NFKBIZ: variants seen among roughly 807,000 people sequenced by gnomAD.
NFKBIZ encodes NF-kappa-B inhibitor zeta.
In NFKBIZ, 19 loss-of-function variants were observed where a neutral mutation model predicts 76.8. The ratio of observed to expected loss-of-function variants is 0.25; its 90% CI spans 0.17 to 0.36. The LOEUF is 0.36. NFKBIZ is among the 10% of genes least tolerant of loss of function. The probability of loss-of-function intolerance (pLI) is 1.00; values close to 1 mark genes in which losing one functional copy is unlikely to be tolerated. For synonymous variants in NFKBIZ, 368 were observed against 354.8 expected, an observed-to-expected ratio of 1.04 and a Z score of -0.42; for missense variants, 829 against 910.9, an observed-to-expected ratio of 0.91 and a Z score of 1.16.
In NFKBIZ at chr3:101,859,404, C is replaced by G; in HGVS notation, c.*33C>G. The G allele has an allele frequency of 6.3e-7, 1 of 1,588,586 alleles. No individual in the cohort carries two copies. The highest frequency in any genetic ancestry group is 8.6e-7 in the Non-Finnish European group (1 of 1,156,832). ...AGCTTGGAGCCTGGCTAGCAACACTCACTGTCAGTTAGGCAGTCCTGATGT... is the reference window on the plus strand; with the variant it reads ...AGCTTGGAGCCTGGCTAGCAACACTGACTGTCAGTTAGGCAGTCCTGATGT... On this transcript the variant is annotated 3_prime_UTR_variant, in exon 12 of 12. Coordinates refer to ENST00000326172, the MANE Select transcript of NFKBIZ (RefSeq NM_031419.4).
intron 2 of NFKBIZ, among the ~76,000 whole-genome samples, chr3:101,840,185 G>C (rs1001286636): frequency 2.6e-5 from 4 of 152,162 alleles, no homozygotes; most frequent in Admixed American, 2.6e-4. Context: ...AACTTTTGGA[G>C]TTGTCAACAA....
In NFKBIZ at chr3:101,854,645, G is replaced by A. The variant is rs773112084; in HGVS notation, c.1405G>A (p.Ala469Thr). The A allele has an allele frequency of 8.7e-6, 14 of 1,613,922 alleles. No homozygotes were observed. Among genetic ancestry groups the A allele is most frequent in the Middle Eastern group, 1.6e-4 (1 of 6,062 alleles). The change falls in exon 6 of 12, where the codon GCA (alanine) becomes ACA (threonine). Residue 469 changes from alanine to threonine, a missense_variant. Physicochemically the swap from Ala to Thr is moderately conservative, Grantham distance 58. Around this residue, in one of 4 missense-constraint regions of NFKBIZ, gnomAD observed 272 missense variants for 384.2 expected, o/e 0.71. Coordinates refer to ENST00000326172, the MANE Select transcript of NFKBIZ (RefSeq NM_031419.4). ...CTATGTTCTTGCAAGAAAGATGAAT[G>A]CACTTCACATGCTGGATATTAAAGA... ...LSYVLARKMN[A>T]LHMLDIKEHN...
intron 10 of NFKBIZ, 37 bp downstream of exon 10, chr3:101,857,220 T>C: frequency 1.8e-6 from 1 of 562,070 alleles, no homozygotes; most frequent in Non-Finnish European, 2.7e-6. Context: ...GTACACCCTC[T>C]CAAAGTTTTT....
chr3:101,859,032 G>T (rs570099757), intron 11 of NFKBIZ, among the ~76,000 whole-genome samples: 2 of 152,148 alleles, frequency 1.3e-5, no homozygotes, highest in Non-Finnish European at 2.9e-5. Flanking sequence ...AAGAATATAG[G>T]TGTTAAGTTT....
At chr3:101,835,101 CTCA>C (rs1206691122) in intron 2 of NFKBIZ, among the ~76,000 whole-genome samples, 34 of 152,218 alleles carry the variant, frequency 2.2e-4, no homozygotes. Flanking sequence ...TGCTAGGCAT[CTCA>C]TGACACTACC....
chr3:101,848,311 G>A (rs1444862000), upstream of NFKBIZ, among the ~76,000 whole-genome samples: 1 of 152,176 alleles, frequency 6.6e-6, no homozygotes, highest in African/African-American at 2.4e-5. Flanking sequence ...AATCGTAAAA[G>A]GGGACTATAC....
Position 101,849,675 on chromosome 3 carries a change from T to C in NFKBIZ, c.47T>C (p.Leu16Pro). ...GACGACAGCCGCGGCGGAGAGGGGC[T>C]GCGGGACGCGGCGGGCGGCTGCGGC... is the stretch of plus-strand genomic sequence containing the variant. The part of the protein sequence containing the change: ...LLDDSRGGEG[L>P]RDAAGGCGLM... The change falls in exon 1 of 12, where the codon CTG (leucine) becomes CCG (proline). Residue 16 changes from leucine to proline, a missense_variant. By Grantham distance (98) the Leu-to-Pro change is moderately conservative. This residue lies in a region of NFKBIZ where 181 missense variants were observed against 175.3 expected (regional missense o/e 1.03). Coordinates refer to ENST00000326172, the MANE Select transcript of NFKBIZ (RefSeq NM_031419.4). The C allele has an allele frequency of 7.1e-7, 1 of 1,405,836 alleles. No homozygotes were observed. Among genetic ancestry groups the C allele is most frequent in the Non-Finnish European group, 9.2e-7 (1 of 1,088,662 alleles). 87.1% of individuals were successfully genotyped at this position (1,405,836 alleles called of 1,614,324 possible). A position where few individuals can be genotyped will look rare whatever the true frequency, so the allele number is the denominator to read the frequency against.
At position 101,843,332 on chromosome 3, in the gene NFKBIZ, A is replaced by G. The variant is rs533064112; in HGVS notation, c.-11-8753A>G. Among the ~76,000 whole-genome samples the G allele has an allele frequency of 1.4e-3, 206 of 152,254 alleles. 1 individual carries two copies. The highest frequency in any genetic ancestry group is 2.3e-3 in the Non-Finnish European group (158 of 68,000). ...GTGGGGCATGCCTGTAGTCCTAGCT[A>G]CTGGGGAGACTGAGGTGGGAGGAGA... On this transcript the variant is annotated intron_variant, in intron 2 of 12. Coordinates refer to the NFKBIZ transcript ENST00000394054.
Position 101,857,153 on chromosome 3 carries a change from G to A in NFKBIZ, c.1905G>A (p.Leu635=). Residue 635 remains leucine, a synonymous_variant, in exon 10 of 12, where the codon CTG becomes CTA. Coordinates refer to ENST00000326172, the MANE Select transcript of NFKBIZ (RefSeq NM_031419.4). ...AACTCATTCGCCTCTTTTTGGAGCT[G>A]CCCAGTTGCCTGTCTTTTGTGAATG... is the stretch of plus-strand genomic sequence containing the variant. ...NLELIRLFLE[L]PSCLSFVNAK... is the part of the protein sequence containing the mutation. 7 of 949,508 alleles carry A rather than the reference G, an allele frequency of 7.4e-6. No individual in the cohort carries two copies. The highest frequency in any genetic ancestry group is 1.0e-5 in the Non-Finnish European group (7 of 678,120). 58.8% of individuals were successfully genotyped at this position (949,508 alleles called of 1,614,324 possible).
At chr3:101,831,003 C>T (rs530962151) in intron 2 of NFKBIZ, among the ~76,000 whole-genome samples, 22 of 152,260 alleles carry the variant, frequency 1.4e-4, no homozygotes, top group Admixed American at 2.6e-4. Flanking sequence ...ATGATTTTTT[C>T]ACTGTTTGTT....
At chr3:101,846,744 C>T (rs1269742560), upstream of NFKBIZ, among the ~76,000 whole-genome samples, 2 of 152,084 alleles carry the variant, frequency 1.3e-5, no homozygotes, top group African/African-American at 2.4e-5. Context: ...TTGAGAAACT[C>T]TAATGTATTA....
At chr3:101,834,478 A>C (rs1380574862) in intron 2 of NFKBIZ, among the ~76,000 whole-genome samples, 1 of 152,058 alleles carries the variant, frequency 6.6e-6, no homozygotes. Context: ...CTCCTGCCTC[A>C]GCCTCCAGAG....
intron 11 of NFKBIZ, chr3:101,858,216 A>G: frequency 1.0e-6 from 1 of 985,344 alleles, no homozygotes; most frequent in Non-Finnish European, 1.2e-6. Flanking sequence ...AATGCAGTTT[A>G]GCTTTTTCTT....
rs778159031 is a variant in NFKBIZ, at chr3:101,855,889, C to T, written c.1811C>T (p.Ala604Val). Residue 604 changes from alanine to valine, a missense_variant, in exon 9 of 12, where the codon GCG becomes GTG. By Grantham distance (64) the Ala-to-Val change is moderately conservative. Coordinates refer to ENST00000326172, the MANE Select transcript of NFKBIZ (RefSeq NM_031419.4). ...AAGTGCCTAATTCAAATGGGAGCAGCGGTGGAAGCGAAGGTAAATTCACAG... is the reference window on the plus strand; with the variant it reads ...AAGTGCCTAATTCAAATGGGAGCAGTGGTGGAAGCGAAGGTAAATTCACAG... ...TIKCLIQMGA[A>V]VEAKDRKSGR... 1.2e-5 allele frequency: 20 copies of T among 1,605,896 alleles called. No homozygotes were observed. Among genetic ancestry groups the T allele is most frequent in the East Asian group, 6.7e-5 (3 of 44,760 alleles).
rs1942911611 is a variant in NFKBIZ, at chr3:101,849,515, T to C, written c.-114T>C. On this transcript the variant is annotated 5_prime_UTR_variant, in exon 1 of 12. Coordinates refer to ENST00000326172, the MANE Select transcript of NFKBIZ (RefSeq NM_031419.4). ...CCCTGGCAGTCCCGCGCCGCGCCCG[T>C]ACTGGCCCGCGCCGTCCGCCCGCCG... The C allele has an allele frequency of 8.7e-6, 8 of 914,590 alleles. No individual in the cohort carries two copies. Among genetic ancestry groups the C allele is most frequent in the Admixed American group, 4.4e-5 (1 of 22,570 alleles). 56.7% of individuals were successfully genotyped at this position (914,590 alleles called of 1,614,324 possible). A position where few individuals can be genotyped will look rare whatever the true frequency, so the allele number is the denominator to read the frequency against.
chr3:101,860,637 GCC>G lies in NFKBIZ; in HGVS notation c.*1267_*1268del, dbSNP rs1943119586. The G allele has an allele frequency of 6.6e-6, 1 of 151,950 alleles. No individual in the cohort carries two copies. The highest frequency in any genetic ancestry group is 1.5e-5 in the Non-Finnish European group (1 of 67,982). The allele number at this position is 151,950 out of a possible 1,614,324, so 9.4% of individuals were successfully genotyped here. On this transcript the variant is annotated 3_prime_UTR_variant, in exon 12 of 12. Transcript: ENST00000326172. Reference sequence around the variant, plus strand: ...TTCTGTTGTCAAATGATGATAATGTGCCATGATGTTTTATATATATCATTCAG... The same window carrying G: ...TTCTGTTGTCAAATGATGATAATGTGATGATGTTTTATATATATCATTCAG...
intron 1 of NFKBIZ, 56 bp downstream of exon 1, chr3:101,849,973 G>A (rs966650949): frequency 2.4e-5 from 32 of 1,330,240 alleles, no homozygotes; most frequent in Non-Finnish European, 2.9e-5. Flanking sequence ...TAGGAGGTTG[G>A]GAGCGGGACT....
intron 2 of NFKBIZ, among the ~76,000 whole-genome samples, chr3:101,839,208 C>T (rs1942759191): frequency 6.6e-6 from 1 of 151,980 alleles, no homozygotes; most frequent in African/African-American, 2.4e-5. Context: ...TAAAAACAAA[C>T]AAAAATTTCT....
intron 2 of NFKBIZ, among the ~76,000 whole-genome samples, chr3:101,833,531 A>G (rs918065138): frequency 4.6e-5 from 7 of 152,202 alleles, no homozygotes; most frequent in African/African-American, 1.2e-4. Context: ...TATCTTTGCT[A>G]TGGGAAAAGG....
Sources: allele counts gnomAD v4.1 joint callset (sites outside exome capture counted in the v4.1 genomes callset), GRCh38; gene constraint gnomAD v4.1.1; regional missense constraint gnomAD v4.1.1; transcripts MANE v1.5; gene names NCBI Gene and HGNC (gene_info 2026-07-23, HGNC 2026-07-21).